Variants in SPAG9 observed in about 807,000 individuals in gnomAD.
SPAG9 encodes the protein C-Jun-amino-terminal kinase-interacting protein 4.
In SPAG9, 35 loss-of-function variants were observed where a neutral mutation model predicts 166.5. That is an observed-to-expected ratio of 0.21 (90% CI 0.16 to 0.28). SPAG9 has a LOEUF of 0.28. SPAG9 is among the 10% of genes least tolerant of loss of function. SPAG9 has a pLI of 1.00. For missense variants in SPAG9, 1,235 were observed against 1,603.3 expected (o/e 0.77, Z 3.92); for synonymous variants, 534 against 565.5 (o/e 0.94, Z 0.79).
rs377696838 is a variant in SPAG9 at position 50,970,775 on chromosome 17, C to T, written c.3782G>A (p.Gly1261Asp). 86 of 1,614,006 alleles carry T rather than the reference C, an allele frequency of 5.3e-5. No homozygotes were observed. The highest frequency in any genetic ancestry group is 6.9e-5 in the Non-Finnish European group (81 of 1,180,016). The change falls in exon 29 of 30, where the codon GGT becomes GAT. Residue 1261 changes from glycine to aspartate, a missense_variant. Transcript: ENST00000262013. ...DKAGPSAQEP[G>D]SQTPLKSMLV... ...CATAGACTTCAAGGGCGTCTGACTA[C>T]CAGGCTCCTGTGCAGATGGCCCTGC...
chr17:51,073,691 A>G (rs180918429), intron 2 of SPAG9, among the ~76,000 whole-genome samples: 37 of 152,304 alleles, frequency 2.4e-4, no homozygotes, highest in Admixed American at 2.0e-3. Context: ...CTTAGAATTC[A>G]TATTACACCA....
intron 2 of SPAG9, among the ~76,000 whole-genome samples, chr17:51,076,154 G>C (rs1043178119): frequency 1.3e-5 from 2 of 151,956 alleles, no homozygotes; most frequent in Admixed American, 1.3e-4. Context: ...GGGCAAGGTG[G>C]CTCATGCCTG....
chr17:51,042,639 C>T (rs941158304), intron 4 of SPAG9: 2 of 152,124 alleles, frequency 1.3e-5, no homozygotes, highest in Non-Finnish European at 2.9e-5. Context: ...GTCTTTAATT[C>T]TGTAGTTCAT....
At chr17:51,076,168 T>A (rs8075136) in intron 2 of SPAG9, among the ~76,000 whole-genome samples, 7,340 of 151,894 alleles carry the variant, frequency 0.048, 524 homozygotes, top group African/African-American at 0.16. Context: ...ATGCCTGTAA[T>A]GCCAGCACTT....
chr17:50,980,158 G>A lies in SPAG9; in HGVS notation c.3238-241C>T, dbSNP rs73346138. On this transcript the variant is annotated intron_variant, in intron 25 of 29. Coordinates refer to ENST00000262013, the MANE Select transcript of SPAG9 (RefSeq NM_001130528.3). ...ATCACCTTATAACAGCAATACTAGCGCATCCACACTATGTAACAGTGCTCA... is the reference window on the plus strand; with the variant it reads ...ATCACCTTATAACAGCAATACTAGCACATCCACACTATGTAACAGTGCTCA... Among the ~76,000 whole-genome samples, 266 of 152,038 alleles carry A rather than the reference G, an allele frequency of 1.7e-3. 1 individual carries two copies. Among genetic ancestry groups the A allele is most frequent in the African/African-American group, 5.8e-3 (240 of 41,462 alleles).
At chr17:51,038,800 C>T (rs1346961026) in intron 5 of SPAG9, among the ~76,000 whole-genome samples, 3 of 152,178 alleles carry the variant, frequency 2.0e-5, no homozygotes, top group Admixed American at 6.5e-5. Context: ...GCTTACCTTG[C>T]TTTAACAATA....
intron 1 of SPAG9, among the ~76,000 whole-genome samples, chr17:51,096,054 GAT>G (rs1205885218): frequency 7.3e-4 from 99 of 135,534 alleles, no homozygotes; most frequent in South Asian, 2.3e-3. Flanking sequence ...TATATATAGT[GAT>G]ATATATATAT....
In SPAG9 at chr17:51,026,895, C is replaced by T. The variant is rs192255021; in HGVS notation, c.783+4786G>A. On this transcript the variant is annotated intron_variant, in intron 6 of 29. Transcript: ENST00000262013. The stretch of plus-strand genomic sequence containing the variant: ...TTCTCCATGTTGGTCAGGCTGGTCT[C>T]GAACTCCTGACCTCAGGTGATCCGC... Among the ~76,000 whole-genome samples the T allele has an allele frequency of 5.4e-3, 827 of 151,960 alleles. 5 individuals are homozygous for T. Among genetic ancestry groups the T allele is most frequent in the African/African-American group, 0.019 (768 of 41,460 alleles).
At chr17:51,015,623 AC>A (rs1418332607) in intron 8 of SPAG9, among the ~76,000 whole-genome samples, 6 of 152,168 alleles carry the variant, frequency 3.9e-5, no homozygotes, top group Non-Finnish European at 7.4e-5. Flanking sequence ...CAACAAAAAA[AC>A]AAAGCACTTA....
intron 5 of SPAG9, among the ~76,000 whole-genome samples, chr17:51,035,975 TG>T (rs2046570113): frequency 6.6e-6 from 1 of 152,222 alleles, no homozygotes; most frequent in Non-Finnish European, 1.5e-5. Flanking sequence ...CAGTATTATT[TG>T]TAACAGCAAA....
At chr17:51,104,849 C>A (rs1454569573) in intron 1 of SPAG9, among the ~76,000 whole-genome samples, 1 of 146,072 alleles carries the variant, frequency 6.8e-6, no homozygotes, top group African/African-American at 2.5e-5. Context: ...AGGAGAATGG[C>A]GTGAACCTGG....
At chr17:50,979,490 A>T (rs1974437735) in intron 26 of SPAG9, among the ~76,000 whole-genome samples, 1 of 151,986 alleles carries the variant, frequency 6.6e-6, no homozygotes, top group Admixed American at 6.6e-5. Flanking sequence ...CCAGCATTTT[A>T]GACTATTTAA....
At chr17:51,023,603 A>G (rs2046030113) in intron 6 of SPAG9, among the ~76,000 whole-genome samples, 1 of 152,210 alleles carries the variant, frequency 6.6e-6, no homozygotes, top group Non-Finnish European at 1.5e-5. Flanking sequence ...TAATCTCTCT[A>G]GCTCCTCTGC....
At chr17:50,970,383 G>A (rs1217510082) in intron 29 of SPAG9, among the ~76,000 whole-genome samples, 1 of 151,894 alleles carries the variant, frequency 6.6e-6, no homozygotes, top group Non-Finnish European at 1.5e-5. Flanking sequence ...ATGTGGTGGT[G>A]CATGTCTGTA....
At chr17:51,029,372 A>G (rs1450829904) in intron 6 of SPAG9, among the ~76,000 whole-genome samples, 1 of 152,192 alleles carries the variant, frequency 6.6e-6, no homozygotes, top group Non-Finnish European at 1.5e-5. Context: ...GGATTGTAAA[A>G]TGATGCAACC....
At chr17:51,089,620 T>TTATTTATATA (rs1345678320) in intron 1 of SPAG9, among the ~76,000 whole-genome samples, 2 of 40,478 alleles carry the variant, frequency 4.9e-5, no homozygotes, top group African/African-American at 2.0e-4. Flanking sequence ...ACACTTTATT[T>TTATTTATATA]TATATATATA....
intron 2 of SPAG9, among the ~76,000 whole-genome samples, chr17:51,070,755 T>C (rs1379889481): frequency 6.6e-6 from 1 of 152,174 alleles, no homozygotes; most frequent in Non-Finnish European, 1.5e-5. Context: ...GTTGTTATGG[T>C]TGCATTTCAA....
At chr17:51,063,407 A>C (rs545044230) in intron 2 of SPAG9, among the ~76,000 whole-genome samples, 1 of 141,716 alleles carries the variant, frequency 7.1e-6, no homozygotes, top group African/African-American at 2.8e-5. Context: ...GCGAGACTAC[A>C]TCTCAAAAAA....
intron 2 of SPAG9, among the ~76,000 whole-genome samples, chr17:51,073,337 A>AAT (rs2047877572): frequency 6.6e-6 from 1 of 151,882 alleles, no homozygotes; most frequent in African/African-American, 2.4e-5. Flanking sequence ...CAAAAAAAAA[A>AAT]CAATTAGCCA....
Sources: allele counts gnomAD v4.1 joint callset (sites outside exome capture counted in the v4.1 genomes callset), GRCh38; gene constraint gnomAD v4.1.1; transcripts MANE v1.5; gene names NCBI Gene and HGNC (gene_info 2026-07-23, HGNC 2026-07-21).